The following TUFT1 variants were observed in gnomAD, a reference collection of about 807,000 sequenced individuals.
The protein encoded by TUFT1 is tuftelin 1.
In TUFT1, 43 loss-of-function variants were observed where a neutral mutation model predicts 57.8. The ratio of observed to expected loss-of-function variants is 0.74; its 90% CI spans 0.58 to 0.96. TUFT1 has a LOEUF of 0.96. Ranked by LOEUF, TUFT1 falls within the 40% of genes least tolerant of loss-of-function variation. The pLI, the probability that TUFT1 is intolerant of heterozygous loss-of-function variation, is 0.00. For missense variants in TUFT1, 459 were observed against 489.0 expected (o/e 0.94, Z 0.58); for synonymous variants, 166 against 176.7 (o/e 0.94, Z 0.48).
intron 7 of TUFT1, among the ~76,000 whole-genome samples, chr1:151,571,845 T>C (rs374095257): frequency 1.3e-5 from 2 of 152,136 alleles, no homozygotes; most frequent in East Asian, 1.9e-4. Flanking sequence ...GCCCAGAATT[T>C]AGAAGGGGTT....
chr1:151,554,712 T>C (rs1182896533), intron 1 of TUFT1, among the ~76,000 whole-genome samples: 2 of 137,658 alleles, frequency 1.5e-5, no homozygotes, highest in Admixed American at 1.5e-4. Flanking sequence ...TTTTTTTTTT[T>C]TTTTTTTTTG....
At chr1:151,552,222 A>C (rs1443137249) in intron 1 of TUFT1, among the ~76,000 whole-genome samples, 1 of 152,196 alleles carries the variant, frequency 6.6e-6, no homozygotes, top group Non-Finnish European at 1.5e-5. Context: ...CATTGTATGA[A>C]TATATTACAA....
intron 11 of TUFT1, 46 bp from the exon 12 acceptor site, chr1:151,580,896 G>A: frequency 6.3e-7 from 1 of 1,580,218 alleles, no homozygotes; most frequent in Non-Finnish European, 8.7e-7. Flanking sequence ...GTGGCACCCG[G>A]GAAGCCAGAA....
chr1:151,582,162 G>T lies in TUFT1; in HGVS notation c.*455G>T, dbSNP rs1666664717. 2 of 459,470 alleles carry T rather than the reference G, an allele frequency of 4.4e-6. No homozygotes were observed. Among genetic ancestry groups the T allele is most frequent in the Non-Finnish European group, 8.7e-6 (2 of 229,210 alleles). The allele number at this position is 459,470 out of a possible 1,614,324, so 28.5% of individuals were successfully genotyped here. A position where few individuals can be genotyped will look rare whatever the true frequency, so the allele number is the denominator to read the frequency against. ...AAGTTCCTTCCACAAACACAGCTCA[G>T]TTCTTAGCAACAAACTGTTTGTTTT... On this transcript the variant is annotated 3_prime_UTR_variant, in exon 13 of 13. Transcript: ENST00000368849.
intron 12 of TUFT1, 148 bp from the exon 13 acceptor site, chr1:151,581,496 G>T (rs1666644735): frequency 9.7e-6 from 7 of 720,838 alleles, no homozygotes; most frequent in Non-Finnish European, 1.7e-5. Flanking sequence ...GATAATTACT[G>T]TTTTAAAGCA....
chr1:151,550,452 C>G (rs1255222170), intron 1 of TUFT1, among the ~76,000 whole-genome samples: 1 of 152,176 alleles, frequency 6.6e-6, no homozygotes, highest in Non-Finnish European at 1.5e-5. Context: ...TTAAGCGATT[C>G]TCCCACCTCA....
intron 3 of TUFT1, among the ~76,000 whole-genome samples, chr1:151,563,197 T>C (rs1398928784): frequency 6.6e-6 from 1 of 152,184 alleles, no homozygotes; most frequent in Non-Finnish European, 1.5e-5. Flanking sequence ...TGGAACTTAT[T>C]TTTTAAAAAA....
At chr1:151,552,936 A>G (rs574776514) in intron 1 of TUFT1, among the ~76,000 whole-genome samples, 16 of 152,120 alleles carry the variant, frequency 1.1e-4, no homozygotes, top group Non-Finnish European at 1.9e-4. Context: ...ATTGGACAAA[A>G]AGGGTATGAT....
chr1:151,564,550 G>A lies in TUFT1; in HGVS notation c.350G>A (p.Arg117Gln), dbSNP rs754301351. The change falls in exon 5 of 13, where the codon CGG (arginine) becomes CAG (glutamine). Residue 117 changes from arginine to glutamine, a missense_variant. By Grantham distance (43) the Arg-to-Gln change is conservative (BLOSUM62 1). Coordinates refer to ENST00000368849, the MANE Select transcript of TUFT1 (RefSeq NM_020127.3). The stretch of plus-strand genomic sequence containing the variant: ...GCCAGGAACTGCCTACAGAAGCTCC[G>A]GGAGGATATAAGTAGCAAGCTTGAC... The part of the protein sequence containing the change: ...QEARNCLQKL[R>Q]EDISSKLDRN... 32 of 1,614,098 alleles carry A rather than the reference G, an allele frequency of 2.0e-5. No homozygotes were observed. Among genetic ancestry groups the A allele is most frequent in the Middle Eastern group, 3.3e-4 (2 of 6,062 alleles).
chr1:151,562,548 C>CTG, intron 2 of TUFT1, 37 bp from the exon 3 acceptor site: 2 of 1,363,786 alleles, frequency 1.5e-6, no homozygotes, highest in Non-Finnish European at 2.0e-6. Context: ...TGAGCCATCT[C>CTG]TCTCTCTCTC....
chr1:151,569,631 C>T, intron 6 of TUFT1, 26 bp from the exon 7 acceptor site: 1 of 1,597,428 alleles, frequency 6.3e-7, no homozygotes, highest in Non-Finnish European at 8.6e-7. Flanking sequence ...GAGGGCTTCC[C>T]CTTCCCTTCC....
chr1:151,568,568 C>T (rs917588620), intron 6 of TUFT1, among the ~76,000 whole-genome samples: 2 of 152,174 alleles, frequency 1.3e-5, no homozygotes, highest in African/African-American at 4.8e-5. Context: ...TGCATAATAG[C>T]TGTGTTCCAG....
chr1:151,545,004 C>T (rs1038032104), intron 1 of TUFT1, among the ~76,000 whole-genome samples: 1 of 152,112 alleles, frequency 6.6e-6, no homozygotes, highest in African/African-American at 2.4e-5. Context: ...CTGTTAATAG[C>T]ATTGTGGTCA....
At chr1:151,570,582 GAATGAGTATATT>G (rs1055090956) in intron 7 of TUFT1, among the ~76,000 whole-genome samples, 1 of 152,012 alleles carries the variant, frequency 6.6e-6, no homozygotes, top group African/African-American at 2.4e-5. Flanking sequence ...GCCCGGCCTG[GAATGAGTATATT>G]AATTATTGTT....
intron 1 of TUFT1, chr1:151,540,802 C>T: frequency 4.6e-6 from 1 of 219,424 alleles, no homozygotes; most frequent in Middle Eastern, 1.7e-3. Flanking sequence ...ACGTTGTGTC[C>T]TGCCGAGGAG....
chr1:151,573,301 A>C (rs959761952), intron 7 of TUFT1, among the ~76,000 whole-genome samples: 4 of 152,136 alleles, frequency 2.6e-5, no homozygotes, highest in Admixed American at 6.5e-5. Flanking sequence ...ACACAAAGGA[A>C]GGGCTCCTCC....
chr1:151,580,926 T>G lies in TUFT1; in HGVS notation c.1009-16T>G. 1 of 1,613,360 alleles carries G rather than the reference T, an allele frequency of 6.2e-7. No individual in the cohort carries two copies. The highest frequency in any genetic ancestry group is 2.2e-5 in the East Asian group (1 of 44,874). On this transcript the variant is annotated splice_polypyrimidine_tract_variant and intron_variant, in intron 11 of 12. Transcript: ENST00000368849. Reference sequence around the variant, plus strand: ...CCAGAAAAAGGCCAACTCTAACCCCTAAGCTTGTGTTACAGAATTTAGAGA... The same window carrying G: ...CCAGAAAAAGGCCAACTCTAACCCCGAAGCTTGTGTTACAGAATTTAGAGA...
intron 1 of TUFT1, among the ~76,000 whole-genome samples, chr1:151,556,332 C>T (rs1433790704): frequency 1.3e-5 from 2 of 151,548 alleles, no homozygotes; most frequent in African/African-American, 4.8e-5. Context: ...CCCTTCCCTT[C>T]CCTTTCCTTC....
At chr1:151,573,023 C>A (rs1416157404) in intron 7 of TUFT1, among the ~76,000 whole-genome samples, 2 of 152,186 alleles carry the variant, frequency 1.3e-5, no homozygotes, top group Non-Finnish European at 2.9e-5. Context: ...GGCTGTCATT[C>A]ACTAGCTGTG....
Sources: allele counts gnomAD v4.1 joint callset (sites outside exome capture counted in the v4.1 genomes callset), GRCh38; gene constraint gnomAD v4.1.1; transcripts MANE v1.5; gene names NCBI Gene and HGNC (gene_info 2026-07-23, HGNC 2026-07-21).